GLDC: variants seen among roughly 807,000 people sequenced by gnomAD.
The protein encoded by GLDC is glycine dehydrogenase (decarboxylating), mitochondrial.
GLDC carries 104 observed loss-of-function variants against 121.3 expected under a neutral mutation model. That is an observed-to-expected ratio of 0.86 (90% CI 0.73 to 1.01). GLDC has a LOEUF of 1.01. Among genes scored for constraint, GLDC ranks in the 50% least tolerant of loss-of-function variants. The pLI is 0.00. For missense variants in GLDC, 1,429 were observed against 1,306.6 expected, an observed-to-expected ratio of 1.09 and a Z score of -1.44; for synonymous variants, 546 against 480.6, an observed-to-expected ratio of 1.14 and a Z score of -1.78.
chr9:6,569,773 C>G (rs576066896), intron 15 of GLDC, among the ~76,000 whole-genome samples: 1 of 152,042 alleles, frequency 6.6e-6, no homozygotes, highest in Non-Finnish European at 1.5e-5. Context: ...GTTAGAAGAT[C>G]GAGACCAGCC....
At chr9:6,625,461 A>T (rs1819215714) in intron 2 of GLDC, among the ~76,000 whole-genome samples, 2 of 152,198 alleles carry the variant, frequency 1.3e-5, no homozygotes, top group South Asian at 4.1e-4. Flanking sequence ...TGGGAGCCAA[A>T]AGGGTTACTG....
intron 7 of GLDC, among the ~76,000 whole-genome samples, chr9:6,603,331 A>G (rs1177367014): frequency 1.3e-5 from 2 of 152,154 alleles, no homozygotes; most frequent in Non-Finnish European, 2.9e-5. Flanking sequence ...TAAAGTATAC[A>G]GAGGCCAGGC....
chr9:6,539,402 C>T (rs1817205754), intron 22 of GLDC, among the ~76,000 whole-genome samples: 1 of 152,048 alleles, frequency 6.6e-6, no homozygotes, highest in South Asian at 2.1e-4. Context: ...TCACTTGAAC[C>T]CAGGAGGTGG....
At chr9:6,621,154 A>T (rs1819084958) in intron 2 of GLDC, among the ~76,000 whole-genome samples, 1 of 152,174 alleles carries the variant, frequency 6.6e-6, no homozygotes, top group Non-Finnish European at 1.5e-5. Context: ...TGAGTGACAG[A>T]GTGAGACCCC....
chr9:6,581,832 G>A (rs1389057517), intron 15 of GLDC, among the ~76,000 whole-genome samples: 3 of 152,166 alleles, frequency 2.0e-5, no homozygotes, highest in Non-Finnish European at 4.4e-5. Flanking sequence ...ATTTAGAGTT[G>A]CCTTTGTGCA....
chr9:6,621,355 T>C (rs982664268), intron 2 of GLDC, among the ~76,000 whole-genome samples: 1 of 152,210 alleles, frequency 6.6e-6, no homozygotes, highest in African/African-American at 2.4e-5. Flanking sequence ...CCACCAGGAA[T>C]TGTACCATAT....
In GLDC at chr9:6,587,261, G is replaced by C. The variant is rs1439416948; in HGVS notation, c.1730C>G (p.Ala577Gly). 16 of 1,613,752 alleles carry C rather than the reference G, an allele frequency of 9.9e-6. No individual in the cohort carries two copies. The highest frequency in any genetic ancestry group is 1.4e-5 in the Non-Finnish European group (16 of 1,179,706). ...ELAPITWKEF[A>G]NIHPFVPLDQ... is the part of the protein sequence containing the mutation. ...CAGAGGCACAAAGGGGTGGATGTTT[G>C]CAAATTCTTTCCATGTGATAGGCTG... Residue 577 changes from alanine (A) to glycine (G), a missense_variant, in exon 15 of 25, where the codon GCA becomes GGA. Ala to Gly is a moderately conservative substitution (Grantham distance 60). Coordinates refer to ENST00000321612, the MANE Select transcript of GLDC (RefSeq NM_000170.3).
chr9:6,579,013 G>A (rs1210336526), intron 15 of GLDC, among the ~76,000 whole-genome samples: 5 of 152,100 alleles, frequency 3.3e-5, no homozygotes, highest in African/African-American at 9.7e-5. Flanking sequence ...CTAAATGTTT[G>A]TTAAGAAATC....
At position 6,545,108 on chromosome 9, in the gene GLDC, GAA is replaced by G. The variant is rs34257478; in HGVS notation, c.2570-4964_2570-4963del. On this transcript the variant is annotated intron_variant, in intron 21 of 24. Coordinates refer to ENST00000321612, the MANE Select transcript of GLDC (RefSeq NM_000170.3). Reference sequence around the variant, plus strand: ...GAGCGAAACTCTGTCTCAAAAAAAAGAAAAAAAAAAAAGTATCATCTTACCTG... The same window carrying G: ...GAGCGAAACTCTGTCTCAAAAAAAAGAAAAAAAAAAGTATCATCTTACCTG... Among the ~76,000 whole-genome samples the G allele has an allele frequency of 2.0e-3, 294 of 148,534 alleles. 1 individual carries two copies. Among genetic ancestry groups the G allele is most frequent in the African/African-American group, 6.6e-3 (269 of 40,648 alleles).
intron 15 of GLDC, among the ~76,000 whole-genome samples, chr9:6,576,451 ATAATT>A (rs1490239780): frequency 1.3e-5 from 2 of 151,988 alleles, no homozygotes; most frequent in African/African-American, 4.8e-5. Context: ...CCTTGGAGTT[ATAATT>A]TATTTTTTTC....
chr9:6,644,245 C>T (rs1819691890), intron 2 of GLDC, among the ~76,000 whole-genome samples: 1 of 151,752 alleles, frequency 6.6e-6, no homozygotes, highest in Non-Finnish European at 1.5e-5. Flanking sequence ...ATTCCTAGAT[C>T]CTTTGAGTCT....
chr9:6,624,275 A>T (rs1227572452), intron 2 of GLDC, among the ~76,000 whole-genome samples: 30 of 152,202 alleles, frequency 2.0e-4, no homozygotes, highest in Admixed American at 2.0e-3. Flanking sequence ...CCTTACTTGA[A>T]AATAGGGTCT....
At chr9:6,608,418 T>A (rs1330142030) in intron 4 of GLDC, among the ~76,000 whole-genome samples, 1 of 146,760 alleles carries the variant, frequency 6.8e-6, no homozygotes, top group Non-Finnish European at 1.5e-5. Context: ...TGAGACTCTG[T>A]CTCAAAAAAA....
intron 2 of GLDC, among the ~76,000 whole-genome samples, chr9:6,628,338 C>A (rs925720357): frequency 6.6e-6 from 1 of 152,192 alleles, no homozygotes; most frequent in African/African-American, 2.4e-5. Flanking sequence ...ATTTTCCCCC[C>A]AGAGCAAAGC....
At chr9:6,638,893 C>T (rs1819567271) in intron 2 of GLDC, among the ~76,000 whole-genome samples, 1 of 152,012 alleles carries the variant, frequency 6.6e-6, no homozygotes. Flanking sequence ...CCTGTAGTCT[C>T]AGCTACTCGG....
At chr9:6,622,523 C>T (rs940504954) in intron 2 of GLDC, among the ~76,000 whole-genome samples, 5 of 152,196 alleles carry the variant, frequency 3.3e-5, no homozygotes, top group Non-Finnish European at 5.9e-5. Flanking sequence ...GGATTGCAGA[C>T]AGAGTCTCGT....
intron 16 of GLDC, among the ~76,000 whole-genome samples, chr9:6,561,464 C>T (rs1433235193): frequency 6.6e-6 from 1 of 152,078 alleles, no homozygotes; most frequent in African/African-American, 2.4e-5. Flanking sequence ...GCCTGGCCAA[C>T]ATGGTGAAAC....
chr9:6,551,092 C>CTGTA (rs1233419325), intron 20 of GLDC, among the ~76,000 whole-genome samples, 178 bp from the exon 21 acceptor site: 4 of 152,190 alleles, frequency 2.6e-5, no homozygotes, highest in Non-Finnish European at 5.9e-5. Context: ...CCCTGTAAGC[C>CTGTA]TGTAATACAT....
chr9:6,548,935 C>A (rs1254725482), intron 21 of GLDC, among the ~76,000 whole-genome samples: 1 of 152,114 alleles, frequency 6.6e-6, no homozygotes, highest in East Asian at 1.9e-4. Flanking sequence ...GAAGCAGCCC[C>A]CTCCTCCTTC....
Sources: allele counts gnomAD v4.1 joint callset (sites outside exome capture counted in the v4.1 genomes callset), GRCh38; gene constraint gnomAD v4.1.1; transcripts MANE v1.5; gene names NCBI Gene and HGNC (gene_info 2026-07-23, HGNC 2026-07-21).